Variants in ANKFN1 observed in about 807,000 individuals in gnomAD.
ANKFN1 encodes the protein ankyrin repeat and fibronectin type-III domain-containing protein 1.
ANKFN1 carries 74 observed loss-of-function variants against 108.7 expected under a neutral mutation model. The ratio of observed to expected loss-of-function variants is 0.68; its 90% CI spans 0.56 to 0.83. ANKFN1 has a LOEUF of 0.83. Ranked by LOEUF, ANKFN1 falls within the 40% of genes least tolerant of loss-of-function variation. The pLI, the probability that ANKFN1 is intolerant of heterozygous loss-of-function variation, is 0.00. For missense variants in ANKFN1, 1,505 were observed against 1,382.3 expected, an observed-to-expected ratio of 1.09 and a Z score of -1.41; for synonymous variants, 547 against 516.2, an observed-to-expected ratio of 1.06 and a Z score of -0.81.
At chr17:56,393,953 T>C (rs1015846941) in intron 8 of ANKFN1, among the ~76,000 whole-genome samples, 2 of 152,192 alleles carry the variant, frequency 1.3e-5, no homozygotes, top group Non-Finnish European at 2.9e-5. Flanking sequence ...TACTAAGTGT[T>C]CATGATGTAT....
At chr17:56,370,791 GCTTCAGTCATAGCAGA>G (rs1663122673) in intron 6 of ANKFN1, among the ~76,000 whole-genome samples, 1 of 152,172 alleles carries the variant, frequency 6.6e-6, no homozygotes, top group South Asian at 2.1e-4. Flanking sequence ...GTGTTTGAGG[GCTTCAGTCATAGCAGA>G]CTCTACCATT....
intron 3 of ANKFN1, among the ~76,000 whole-genome samples, chr17:56,232,588 C>CT (rs1167532512): frequency 6.6e-6 from 1 of 152,000 alleles, no homozygotes; most frequent in Non-Finnish European, 1.5e-5. Context: ...ATTTTAAATC[C>CT]TTTGTCAGTT....
intron 16 of ANKFN1, 105 bp downstream of exon 16, chr17:56,477,759 T>TA (rs2050555675): frequency 7.9e-7 from 1 of 1,260,472 alleles, no homozygotes; most frequent in Admixed American, 2.1e-5. Flanking sequence ...GGGCAGTTTT[T>TA]ATGGTGAGGT....
chr17:56,120,381 T>C (rs907090935), intron 4 of ANKFN1, among the ~76,000 whole-genome samples: 7 of 152,114 alleles, frequency 4.6e-5, no homozygotes, highest in Admixed American at 1.3e-4. Context: ...CTCCCTAGAG[T>C]TGACCTTGAT....
At chr17:56,287,974 T>C (rs1190809897) in intron 3 of ANKFN1, among the ~76,000 whole-genome samples, 2 of 152,152 alleles carry the variant, frequency 1.3e-5, no homozygotes, top group East Asian at 3.9e-4. Flanking sequence ...TTCAGTAAGT[T>C]ACCCTCAGAT....
At position 56,189,875 on chromosome 17, in the gene ANKFN1, A is replaced by G. The variant is rs117477300; in HGVS notation, c.-70-22723A>G. Among the ~76,000 whole-genome samples the G allele has an allele frequency of 3.5e-3, 535 of 152,240 alleles. 3 individuals carry two copies. Among genetic ancestry groups the G allele is most frequent in the Middle Eastern group, 0.02 (6 of 294 alleles). On this transcript the variant is annotated intron_variant, in intron 1 of 20. Coordinates refer to ENST00000682825, the MANE Select transcript of ANKFN1 (RefSeq NM_001370326.1). ...GTGGTTTCAATGGAACAAAATAGAG[A>G]GCACGGAAGTCAACCCACATAAATA...
chr17:56,298,671 A>G (rs2044586150), intron 3 of ANKFN1, among the ~76,000 whole-genome samples: 1 of 149,222 alleles, frequency 6.7e-6, no homozygotes. Context: ...CTTAAGCACA[A>G]TATTTCTTTA....
chr17:56,167,281 A>ATGTG (rs1435783691), intron 1 of ANKFN1, among the ~76,000 whole-genome samples: 54 of 123,846 alleles, frequency 4.4e-4, no homozygotes, highest in Non-Finnish European at 4.0e-4. Context: ...ATACATATAT[A>ATGTG]TATATACACA....
At chr17:56,111,816 G>A (rs1345319068) in intron 4 of ANKFN1, among the ~76,000 whole-genome samples, 2 of 152,302 alleles carry the variant, frequency 1.3e-5, no homozygotes, top group South Asian at 4.1e-4. Flanking sequence ...AAATACTGGT[G>A]GCATAACTCA....
intron 15 of ANKFN1, among the ~76,000 whole-genome samples, chr17:56,468,512 C>A (rs1415799174): frequency 6.6e-6 from 1 of 151,906 alleles, no homozygotes; most frequent in Non-Finnish European, 1.5e-5. Flanking sequence ...TACACTGAGC[C>A]CCCTGCAAGC....
chr17:56,495,485 T>C (rs1340229244), intron 19 of ANKFN1, among the ~76,000 whole-genome samples: 1 of 152,058 alleles, frequency 6.6e-6, no homozygotes, highest in African/African-American at 2.4e-5. Flanking sequence ...TCTAAGACAG[T>C]GTTGAAGTCA....
chr17:56,060,625 G>A (rs538974404), intron 4 of ANKFN1, among the ~76,000 whole-genome samples: 8 of 152,054 alleles, frequency 5.3e-5, no homozygotes, highest in East Asian at 1.9e-4. Context: ...AGTTTATTGC[G>A]TGTTTCTAAC....
intron 6 of ANKFN1, among the ~76,000 whole-genome samples, chr17:56,361,696 G>C (rs930589270): frequency 2.0e-5 from 3 of 152,034 alleles, no homozygotes; most frequent in Non-Finnish European, 2.9e-5. Flanking sequence ...GTTGGTTATG[G>C]CTCAGTCATA....
chr17:56,097,379 A>G (rs1055159800), intron 4 of ANKFN1, among the ~76,000 whole-genome samples: 2 of 152,148 alleles, frequency 1.3e-5, no homozygotes, highest in African/African-American at 4.8e-5. Context: ...CTTAGATTCC[A>G]ACTTGCCTTC....
rs2051827426 is a variant in ANKFN1 at position 56,513,286 on chromosome 17, A to C, written c.*2017A>C. Among the ~76,000 whole-genome samples, 1 of 152,216 alleles carries C rather than the reference A, an allele frequency of 6.6e-6. No individual in the cohort carries two copies. Among genetic ancestry groups the C allele is most frequent in the Non-Finnish European group, 1.5e-5 (1 of 68,042 alleles). Reference sequence around the variant, plus strand: ...ATTTCAAATTCAACCTTTACCTAACAAGTTTCCAATATTACAGAGCTGCTT... The same window carrying C: ...ATTTCAAATTCAACCTTTACCTAACCAGTTTCCAATATTACAGAGCTGCTT... On this transcript the variant is annotated 3_prime_UTR_variant, in exon 21 of 21. Coordinates refer to ENST00000682825, the MANE Select transcript of ANKFN1 (RefSeq NM_001370326.1).
At chr17:56,115,673 T>C (rs1183315646) in intron 4 of ANKFN1, among the ~76,000 whole-genome samples, 1 of 152,182 alleles carries the variant, frequency 6.6e-6, no homozygotes, top group Non-Finnish European at 1.5e-5. Flanking sequence ...CCAGCTCACA[T>C]ATACCTCTCC....
At chr17:56,127,160 C>T (rs546032795) in intron 4 of ANKFN1, among the ~76,000 whole-genome samples, 14 of 152,004 alleles carry the variant, frequency 9.2e-5, no homozygotes, top group African/African-American at 2.9e-4. Context: ...TACAGTGCAC[C>T]GAGCACTTTG....
At chr17:56,162,614 G>T (rs1027177497) in intron 1 of ANKFN1, among the ~76,000 whole-genome samples, 7 of 152,160 alleles carry the variant, frequency 4.6e-5, no homozygotes, top group Non-Finnish European at 1.0e-4. Context: ...AAGTACTGGG[G>T]TGTGGAAATT....
rs185882438 is a variant in ANKFN1, at chr17:56,422,775, T to C, written c.911-17552T>C. 1.8e-4 allele frequency among the ~76,000 whole-genome samples: 28 copies of C among 152,306 alleles called. No homozygotes were observed. The East Asian group carries it at 5.2e-3, about 28-fold the overall frequency. ...TTCACCCTTGACCCAATGCTAAAAA[T>C]GTTTTAGCATTTTCCACTAAAAAAA... is the stretch of plus-strand genomic sequence containing the variant. On this transcript the variant is annotated intron_variant, in intron 8 of 20. Transcript: ENST00000682825.
Sources: allele counts gnomAD v4.1 joint callset (sites outside exome capture counted in the v4.1 genomes callset), GRCh38; gene constraint gnomAD v4.1.1; transcripts MANE v1.5; gene names NCBI Gene and HGNC (gene_info 2026-07-23, HGNC 2026-07-21).